Variants in SELP observed in about 807,000 individuals in gnomAD.
SELP encodes the protein P-selectin.
In SELP, 92 loss-of-function variants were observed where a neutral mutation model predicts 104.1. The ratio of observed to expected loss-of-function variants is 0.88; its 90% CI spans 0.75 to 1.05. The LOEUF (loss-of-function observed/expected upper bound fraction) is 1.05. Ranked by LOEUF, SELP falls within the 50% of genes least tolerant of loss-of-function variation. The pLI is 0.00. For missense variants in SELP, 1,022 were observed against 1,017.3 expected (o/e 1.00, Z -0.06); for synonymous variants, 397 against 364.5 (o/e 1.09, Z -1.01).
At chr1:169,616,303 A>G (rs538472340) in intron 3 of SELP, among the ~76,000 whole-genome samples, 2 of 152,354 alleles carry the variant, frequency 1.3e-5, no homozygotes, top group South Asian at 4.1e-4. Flanking sequence ...ATTGTCTCAT[A>G]AAAATGTAGA....
rs775850484 is a variant in SELP at position 169,589,810 on chromosome 1, C to T, written c.*1+337G>A. The stretch of plus-strand genomic sequence containing the variant: ...ATAGGGAATTGACTCCATAACAGTT[C>T]GTAAACATTTTTCAGCAGTCCTGAC... On this transcript the variant is annotated intron_variant, in intron 16 of 16. Transcript: ENST00000263686. Among the ~76,000 whole-genome samples, 6 of 152,262 alleles carry T rather than the reference C, an allele frequency of 3.9e-5. No homozygotes were observed. The South Asian group carries it at 6.2e-4, about 16-fold the overall frequency.
At position 169,606,992 on chromosome 1, in the gene SELP, G is replaced by A. The variant is rs768118182; in HGVS notation, c.1476C>T (p.Cys492=). Residue 492 remains cysteine, a synonymous_variant, in exon 9 of 17, where the codon TGC becomes TGT. Coordinates refer to ENST00000263686, the MANE Select transcript of SELP (RefSeq NM_003005.4). ...LLLVGASVLQ[C]LATGNWNSVP... ...CAGAATTCCAGTTTCCAGTAGCCAA[G>A]CACTGTAGCACACTTGCTCCCACCA... 1.2e-6 allele frequency: 2 copies of A among 1,613,656 alleles called. No individual in the cohort carries two copies. The highest frequency in any genetic ancestry group is 1.7e-6 in the Non-Finnish European group (2 of 1,179,780).
intron 14 of SELP, 86 bp from the exon 15 acceptor site, chr1:169,591,542 G>A (rs2101859167): frequency 2.2e-6 from 2 of 923,550 alleles, no homozygotes; most frequent in Non-Finnish European, 3.3e-6. Flanking sequence ...AAATTACTGG[G>A]GAAAACCAGT....
At chr1:169,590,498 A>G (rs1661303704) in intron 15 of SELP, among the ~76,000 whole-genome samples, 1 of 152,218 alleles carries the variant, frequency 6.6e-6, no homozygotes, top group South Asian at 2.1e-4. Flanking sequence ...TAGTTACAAA[A>G]TTCTTGGCAT....
At chr1:169,595,259 A>G (rs1049404119) in intron 12 of SELP, among the ~76,000 whole-genome samples, 1 of 152,220 alleles carries the variant, frequency 6.6e-6, no homozygotes, top group Admixed American at 6.5e-5. Context: ...GAAATACTTA[A>G]TAAGTGTTCA....
At chr1:169,616,615 A>C (rs1382869854) in intron 3 of SELP, among the ~76,000 whole-genome samples, 1 of 152,230 alleles carries the variant, frequency 6.6e-6, no homozygotes, top group Non-Finnish European at 1.5e-5. Context: ...ACCTAGGGGC[A>C]GGGCTAAATT....
chr1:169,611,052 C>T (rs2235302), intron 7 of SELP, among the ~76,000 whole-genome samples: 71,114 of 151,878 alleles, frequency 0.47, 17,210 homozygotes, highest in African/African-American at 0.56. Context: ...TTCATTTTGG[C>T]GGAATTATGT....
intron 10 of SELP, among the ~76,000 whole-genome samples, chr1:169,602,523 A>T (rs1454256052): frequency 6.6e-6 from 1 of 152,312 alleles, no homozygotes; most frequent in East Asian, 1.9e-4. Context: ...TCTCTTCCTT[A>T]TCTATAAAAT....
chr1:169,627,348 C>T (rs528050402), intron 1 of SELP, among the ~76,000 whole-genome samples: 2 of 152,202 alleles, frequency 1.3e-5, no homozygotes, highest in East Asian at 3.9e-4. Flanking sequence ...CAAGAAGGGA[C>T]CCAGGACATC....
In SELP at chr1:169,626,309, C is replaced by T. The variant is rs114626951; in HGVS notation, c.3+3763G>A. On this transcript the variant is annotated intron_variant, in intron 1 of 16. Transcript: ENST00000263686. ...ATGATAAGCCAACGGAAGCTGGGCA[C>T]GGTGGCTCACATCTGTAATCCCAAC... Among the ~76,000 whole-genome samples, 872 of 152,254 alleles carry T rather than the reference C, an allele frequency of 5.7e-3. 6 individuals are homozygous for T. The highest frequency in any genetic ancestry group is 0.02 in the African/African-American group (841 of 41,544).
intron 10 of SELP, among the ~76,000 whole-genome samples, chr1:169,599,084 A>T (rs1273622135): frequency 1.3e-5 from 2 of 152,126 alleles, no homozygotes; most frequent in Admixed American, 1.3e-4. Flanking sequence ...ATTAACCTTG[A>T]CCCTTACATA....
intron 9 of SELP, 85 bp from the exon 10 acceptor site, chr1:169,603,296 C>CCT (rs567375798): frequency 0.021 from 14,429 of 673,904 alleles, 765 homozygotes; most frequent in African/African-American, 0.035. Flanking sequence ...TCTCTTTCTC[C>CCT]CTCTCTCTCT....
intron 7 of SELP, among the ~76,000 whole-genome samples, chr1:169,610,032 T>C (rs1191647154): frequency 1.3e-5 from 2 of 152,128 alleles, no homozygotes; most frequent in Non-Finnish European, 2.9e-5. Context: ...TATACCGTGG[T>C]CTCCTCGAAG....
intron 9 of SELP, 111 bp from the exon 10 acceptor site, chr1:169,603,322 TGTGTGTG>T: frequency 1.5e-6 from 1 of 681,410 alleles, no homozygotes; most frequent in Non-Finnish European, 2.4e-6. Context: ...TGTGTGTGTG[TGTGTGTG>T]TGTGTGTGTG....
At chr1:169,620,379 C>CTTTT (rs10603647) in intron 1 of SELP, among the ~76,000 whole-genome samples, 1 of 130,250 alleles carries the variant, frequency 7.7e-6, no homozygotes, top group Non-Finnish European at 1.6e-5. Context: ...TTCCACTGTA[C>CTTTT]TTTTTTTTTT....
At chr1:169,603,348 T>TGTGA (rs1311239001) in intron 9 of SELP, 137 bp from the exon 10 acceptor site, 4 of 639,964 alleles carry the variant, frequency 6.3e-6, no homozygotes, top group Non-Finnish European at 9.8e-6. Context: ...TGTGTGTGTG[T>TGTGA]GATTAATATA....
chr1:169,619,323 T>G (rs1243953247), intron 1 of SELP, 104 bp from the exon 2 acceptor site: 7 of 834,712 alleles, frequency 8.4e-6, no homozygotes, highest in African/African-American at 1.7e-5. Flanking sequence ...ATTGTGCCAA[T>G]TTCCACTGGA....
At chr1:169,610,779 A>AAAACAAACAAAC (rs76632064) in intron 7 of SELP, among the ~76,000 whole-genome samples, 1 of 150,996 alleles carries the variant, frequency 6.6e-6, no homozygotes, top group East Asian at 2.0e-4. Context: ...ACTCTGTCTC[A>AAAACAAACAAAC]AAACAAACAA....
In SELP at chr1:169,617,092, C is replaced by A. The variant is rs6129; in HGVS notation, c.417G>T (p.Pro139=). Residue 139 remains proline (P), a synonymous_variant, in exon 3 of 17, where the codon CCG becomes CCT. Transcript: ENST00000263686. ...CATCATTCCACTTGCCAGGGGCTGA[C>A]GGACTCTTGATGTATATCTCCACGC... The part of the protein sequence containing the change: ...EDCVEIYIKS[P]SAPGKWNDEH... The A allele has an allele frequency of 6.2e-7, 1 of 1,613,748 alleles. No homozygotes were observed. Among genetic ancestry groups the A allele is most frequent in the South Asian group, 1.1e-5 (1 of 91,038 alleles).
Sources: allele counts gnomAD v4.1 joint callset (sites outside exome capture counted in the v4.1 genomes callset), GRCh38; gene constraint gnomAD v4.1.1; transcripts MANE v1.5; gene names NCBI Gene and HGNC (gene_info 2026-07-23, HGNC 2026-07-21).